Variants in LSAMP observed in about 807,000 individuals in gnomAD.
The protein encoded by LSAMP is limbic system-associated membrane protein.
LSAMP carries 7 observed loss-of-function variants against 38.6 expected under a neutral mutation model. The observed-to-expected ratio is 0.18, with a 90% CI of 0.10 to 0.34. The LOEUF is 0.34. Among genes scored for constraint, LSAMP ranks in the 10% least tolerant of loss-of-function variants. The pLI is 1.00. For synonymous variants in LSAMP, 154 were observed against 166.8 expected, an observed-to-expected ratio of 0.92 and a Z score of 0.59; for missense variants, 313 against 420.0, an observed-to-expected ratio of 0.75 and a Z score of 2.23.
At chr3:116,272,233 C>CT (rs1346436817) in intron 1 of LSAMP, among the ~76,000 whole-genome samples, 2 of 152,038 alleles carry the variant, frequency 1.3e-5, no homozygotes, top group African/African-American at 4.8e-5. Context: ...TGTGTATGAA[C>CT]ACGGACTTAT....
intron 1 of LSAMP, among the ~76,000 whole-genome samples, chr3:116,437,387 C>T (rs539943487): frequency 6.6e-6 from 1 of 151,970 alleles, no homozygotes; most frequent in Admixed American, 6.6e-5. Context: ...CACCTGTATC[C>T]CAATAACTTA....
chr3:116,116,333 A>G (rs1398722611), intron 1 of LSAMP, among the ~76,000 whole-genome samples: 1 of 151,562 alleles, frequency 6.6e-6, no homozygotes, highest in Non-Finnish European at 1.5e-5. Flanking sequence ...TCATTTGTTT[A>G]TTTGGTTTCT....
chr3:115,925,364 A>C (rs1456887045), intron 3 of LSAMP, among the ~76,000 whole-genome samples: 1 of 152,192 alleles, frequency 6.6e-6, no homozygotes, highest in African/African-American at 2.4e-5. Flanking sequence ...TTATAAATTC[A>C]AACCTGACTT....
intron 3 of LSAMP, among the ~76,000 whole-genome samples, chr3:115,860,586 G>A (rs1481828633): frequency 6.6e-6 from 1 of 152,086 alleles, no homozygotes; most frequent in Non-Finnish European, 1.5e-5. Context: ...CTTCCTTATT[G>A]AAAAGATCAA....
At chr3:116,116,661 G>A (rs372686477) in intron 1 of LSAMP, among the ~76,000 whole-genome samples, 1 of 151,768 alleles carries the variant, frequency 6.6e-6, no homozygotes, top group Non-Finnish European at 1.5e-5. Context: ...AGGTTGCAGT[G>A]AGCTGAGATC....
chr3:116,348,904 T>G (rs1174845371), intron 1 of LSAMP, among the ~76,000 whole-genome samples: 1 of 152,160 alleles, frequency 6.6e-6, no homozygotes, highest in East Asian at 1.9e-4. Context: ...TTTTAAAATA[T>G]GTATTATCTT....
intron 1 of LSAMP, among the ~76,000 whole-genome samples, chr3:116,213,650 C>A (rs1022107369): frequency 6.6e-6 from 1 of 152,072 alleles, no homozygotes; most frequent in African/African-American, 2.4e-5. Context: ...CATGTGGAAA[C>A]AAACTAAATA....
chr3:116,011,013 C>CTTTTTTTTTTT (rs1169726977), intron 3 of LSAMP, among the ~76,000 whole-genome samples: 8 of 150,584 alleles, frequency 5.3e-5, no homozygotes, highest in Middle Eastern at 3.4e-3. Context: ...ATAGTTTATG[C>CTTTTTTTTTTT]TTTTTTTTGA....
At chr3:116,348,818 T>C (rs2048098207) in intron 1 of LSAMP, among the ~76,000 whole-genome samples, 1 of 152,178 alleles carries the variant, frequency 6.6e-6, no homozygotes, top group Admixed American at 6.5e-5. Flanking sequence ...AATACTTTTA[T>C]TTATTATTGG....
chr3:116,223,158 T>TA (rs141982562), intron 1 of LSAMP, among the ~76,000 whole-genome samples: 2,298 of 152,244 alleles, frequency 0.015, 38 homozygotes, highest in Non-Finnish European at 0.021. Flanking sequence ...GCTTAACAGA[T>TA]AAAAAATACT....
intron 1 of LSAMP, among the ~76,000 whole-genome samples, chr3:116,158,948 A>G (rs56964012): frequency 0.034 from 5,223 of 151,760 alleles, 235 homozygotes; most frequent in African/African-American, 0.11. Context: ...AAACAAAACA[A>G]AAAACAAAGC....
At chr3:116,247,430 A>C (rs1203400137) in intron 1 of LSAMP, among the ~76,000 whole-genome samples, 1 of 152,180 alleles carries the variant, frequency 6.6e-6, no homozygotes, top group Non-Finnish European at 1.5e-5. Context: ...CTCTAAACAC[A>C]CTAATTGATA....
chr3:116,090,647 A>G (rs979639828), intron 1 of LSAMP, among the ~76,000 whole-genome samples: 1 of 152,198 alleles, frequency 6.6e-6, no homozygotes, highest in Non-Finnish European at 1.5e-5. Flanking sequence ...GGCTGGCTTG[A>G]GAAATAAAAG....
chr3:116,343,597 C>T (rs534805307), intron 1 of LSAMP, among the ~76,000 whole-genome samples: 6 of 152,086 alleles, frequency 3.9e-5, no homozygotes, highest in Non-Finnish European at 7.4e-5. Context: ...GTACTGCTGG[C>T]CACAGGCAAT....
At chr3:115,878,831 C>T (rs978887684) in intron 3 of LSAMP, among the ~76,000 whole-genome samples, 100 of 151,978 alleles carry the variant, frequency 6.6e-4, no homozygotes, top group African/African-American at 2.2e-3. Flanking sequence ...TCACCAATTC[C>T]AGGAGTTAGA....
intron 6 of LSAMP, among the ~76,000 whole-genome samples, chr3:115,812,576 C>A (rs934826574): frequency 1.3e-5 from 2 of 152,060 alleles, no homozygotes; most frequent in African/African-American, 4.8e-5. Flanking sequence ...ACTTTCCTAA[C>A]CTTTTAGTCT....
intron 1 of LSAMP, among the ~76,000 whole-genome samples, chr3:116,181,819 T>A (rs1293031461): frequency 6.6e-6 from 1 of 151,828 alleles, no homozygotes; most frequent in East Asian, 1.9e-4. Flanking sequence ...TTCCTTACAA[T>A]GAGATTTAAG....
At chr3:115,866,004 A>G (rs1486505811) in intron 3 of LSAMP, among the ~76,000 whole-genome samples, 2 of 152,140 alleles carry the variant, frequency 1.3e-5, no homozygotes, top group Non-Finnish European at 2.9e-5. Context: ...TTCGTGTCAC[A>G]TGGATTTTTT....
intron 1 of LSAMP, among the ~76,000 whole-genome samples, chr3:116,136,178 C>A (rs1709244281): frequency 6.6e-6 from 1 of 152,126 alleles, no homozygotes; most frequent in Admixed American, 6.6e-5. Flanking sequence ...ATTGTAATAT[C>A]TGGCTGGATC....
Sources: allele counts gnomAD v4.1 joint callset (sites outside exome capture counted in the v4.1 genomes callset), GRCh38; gene constraint gnomAD v4.1.1; transcripts MANE v1.5; gene names NCBI Gene and HGNC (gene_info 2026-07-23, HGNC 2026-07-21).